POLI: variants seen among roughly 807,000 people sequenced by gnomAD.
POLI encodes RAD30 homolog B.
A neutral mutation model predicts 51.6 loss-of-function variants in POLI; 58 were observed. That is an observed-to-expected ratio of 1.12 (90% confidence interval 0.91 to 1.40). The LOEUF is 1.40. Ranked by LOEUF, POLI falls within the 40% of genes most tolerant of loss-of-function variation. The pLI is 0.00. For missense variants in POLI, 921 were observed against 871.3 expected (o/e 1.06, Z -0.72); for synonymous variants, 322 against 299.7 (o/e 1.07, Z -0.77).
At chr18:54,304,453 C>G (rs2088545550) in intron 3 of POLI, among the ~76,000 whole-genome samples, 1 of 152,222 alleles carries the variant, frequency 6.6e-6, no homozygotes, top group African/African-American at 2.4e-5. Flanking sequence ...GATCGCCATT[C>G]TAACTGGCGT....
At chr18:54,306,635 T>A (rs970142151) in intron 3 of POLI, among the ~76,000 whole-genome samples, 21 of 152,332 alleles carry the variant, frequency 1.4e-4, no homozygotes, top group African/African-American at 4.3e-4. Flanking sequence ...TTTGGAATAG[T>A]TTCTGAAGGA....
chr18:54,287,438 A>G (rs372888688), intron 8 of POLI, 27 bp downstream of exon 8: 2 of 1,591,244 alleles, frequency 1.3e-6, no homozygotes, highest in Non-Finnish European at 1.7e-6. Context: ...CAACAGTTTC[A>G]TTAGCAGGTT....
Position 54,296,541 on chromosome 18 carries a change from T to C in POLI, c.*2074T>C, listed in dbSNP as rs2088338514. 1 of 197,932 alleles carries C rather than the reference T, an allele frequency of 5.1e-6. No individual in the cohort carries two copies. Among genetic ancestry groups the C allele is most frequent in the Non-Finnish European group, 9.1e-6 (1 of 109,926 alleles). The allele number at this position is 197,932 out of a possible 1,614,324, so 12.3% of individuals were successfully genotyped here. Reference sequence around the variant, plus strand: ...TCTTCCTGTATCTTTTAATTCATGTTCTGTAAAATTCTCAACCACTAGCTC... The same window carrying C: ...TCTTCCTGTATCTTTTAATTCATGTCCTGTAAAATTCTCAACCACTAGCTC... On this transcript the variant is annotated 3_prime_UTR_variant, in exon 10 of 10. Transcript: ENST00000579534.
At chr18:54,292,183 A>G in intron 9 of POLI, 145 bp downstream of exon 9, 1 of 557,716 alleles carries the variant, frequency 1.8e-6, no homozygotes, top group Non-Finnish European at 3.2e-6. Context: ...CTTGTTTATA[A>G]TACCTATCTT....
In POLI at chr18:54,295,200, AT is replaced by A. The variant is rs1404077583; in HGVS notation, c.*734del. On this transcript the variant is annotated 3_prime_UTR_variant, in exon 10 of 10. Transcript: ENST00000579534. Reference sequence around the variant, plus strand: ...ACCAGAAAGGCAAGGTGATGGGCCTATAAGCATACTGGATAATGGAAGAAGT... The same window carrying A: ...ACCAGAAAGGCAAGGTGATGGGCCTAAAGCATACTGGATAATGGAAGAAGT... The A allele has an allele frequency of 1.0e-6, 1 of 985,326 alleles. No individual in the cohort carries two copies. The highest frequency in any genetic ancestry group is 1.2e-6 in the Non-Finnish European group (1 of 829,930). 61.0% of individuals were successfully genotyped at this position (985,326 alleles called of 1,614,324 possible). A position where few individuals can be genotyped will look rare whatever the true frequency, so the allele number is the denominator to read the frequency against.
rs2088026093 is a variant in POLI, at chr18:54,291,837, TTATGA to T, written c.1205_1209del (p.Tyr402CysfsTer7). The T allele has an allele frequency of 2.7e-6, 4 of 1,469,756 alleles. No individual in the cohort carries two copies. In the East Asian group the frequency reaches 6.8e-5, roughly 25 times the overall value. 91.0% of individuals were successfully genotyped at this position (1,469,756 alleles called of 1,614,324 possible). Reference sequence around the variant, plus strand: ...ATTCTTAAACATTTTATTTAGGAAATTATGATGTGATGACCCCAATGGTTGATATA... The same window carrying T: ...ATTCTTAAACATTTTATTTAGGAAATTGTGATGACCCCAATGGTTGATATA... On this transcript the variant is annotated frameshift_variant, in exon 9 of 10. Transcript: ENST00000579534. LOFTEE classifies it high-confidence loss of function.
In POLI at chr18:54,283,975, A is replaced by G; in HGVS notation, c.1029A>G (p.Lys343=). 6.7e-7 allele frequency: 1 copy of G among 1,494,080 alleles called. No individual in the cohort carries two copies. Among genetic ancestry groups the G allele is most frequent in the Non-Finnish European group, 9.3e-7 (1 of 1,079,776 alleles). 92.6% of individuals were successfully genotyped at this position (1,494,080 alleles called of 1,614,324 possible). A position where few individuals can be genotyped will look rare whatever the true frequency, so the allele number is the denominator to read the frequency against. The stretch of plus-strand genomic sequence containing the variant: ...AATGTTCATCTGAAGTTGAAGCTAA[A>G]AATAAGATTGAAGAACTACTTGCTA... ...FKKCSSEVEA[K]NKIEELLASL... Residue 343 remains lysine (K), a synonymous_variant, in exon 7 of 10, where the codon AAA becomes AAG. Transcript: ENST00000579534.
intron 8 of POLI, among the ~76,000 whole-genome samples, chr18:54,289,290 T>C (rs142595946): frequency 6.6e-6 from 1 of 151,868 alleles, no homozygotes; most frequent in Non-Finnish European, 1.5e-5. Flanking sequence ...TAGCCAGTGA[T>C]TGGCAAAGGT....
Position 54,295,265 on chromosome 18 carries a change from T to A in POLI, c.*798T>A. 1 of 981,314 alleles carries A rather than the reference T, an allele frequency of 1.0e-6. No homozygotes were observed. The highest frequency in any genetic ancestry group is 1.2e-6 in the Non-Finnish European group (1 of 826,244). 60.8% of individuals were successfully genotyped at this position (981,314 alleles called of 1,614,324 possible). A position where few individuals can be genotyped will look rare whatever the true frequency, so the allele number is the denominator to read the frequency against. ...GCTAGTTTGAAGGGCCTAAAAGCAC[T>A]GAGATGTTTTTGTATCTTCCCTACA... is the stretch of plus-strand genomic sequence containing the variant. On this transcript the variant is annotated 3_prime_UTR_variant, in exon 10 of 10. Coordinates refer to ENST00000579534, the MANE Select transcript of POLI (RefSeq NM_007195.3).
intron 7 of POLI, 137 bp downstream of exon 7, chr18:54,284,150 G>C (rs1475060790): frequency 4.0e-6 from 2 of 502,526 alleles, no homozygotes; most frequent in Non-Finnish European, 3.6e-6. Context: ...TTTATCATGG[G>C]ATTTCTCTGC....
At position 54,282,881 on chromosome 18, in the gene POLI, A is replaced by G; in HGVS notation, c.841A>G (p.Asn281Asp). 1 of 1,579,202 alleles carries G rather than the reference A, an allele frequency of 6.3e-7. No homozygotes were observed. Among genetic ancestry groups the G allele is most frequent in the Non-Finnish European group, 8.6e-7 (1 of 1,160,700 alleles). Reference protein sequence around the residue: ...TAKCLEALGINSVRDLQTFSP... With the variant: ...TAKCLEALGIDSVRDLQTFSP... ...CAAATGTCTTGAAGCACTGGGTATCAATAGTGTGCGTGATCTCCAAACCTT... is the reference window on the plus strand; with the variant it reads ...CAAATGTCTTGAAGCACTGGGTATCGATAGTGTGCGTGATCTCCAAACCTT... The change falls in exon 6 of 10, where the codon AAT becomes GAT. Residue 281 changes from asparagine (N) to aspartate (D), a missense_variant. Asn to Asp is a conservative substitution (Grantham distance 23, BLOSUM62 1). Transcript: ENST00000579534.
In POLI at chr18:54,283,014, A is replaced by T; in HGVS notation, c.974A>T (p.Gln325Leu). The change falls in exon 6 of 10, where the codon CAG becomes CTG. Residue 325 changes from glutamine to leucine, a missense_variant and splice_region_variant. Gln to Leu is a moderately radical substitution (Grantham distance 113). Coordinates refer to ENST00000579534, the MANE Select transcript of POLI (RefSeq NM_007195.3). ...NSPVILSGPP[Q>L]SFSEEDSFKK... ...CCTGTGATACTCTCAGGACCACCTC[A>T]GGTACATGATGATACTTATTTTAAT... is the stretch of plus-strand genomic sequence containing the variant. The T allele has an allele frequency of 6.3e-7, 1 of 1,589,258 alleles. No individual in the cohort carries two copies. The highest frequency in any genetic ancestry group is 8.6e-7 in the Non-Finnish European group (1 of 1,161,604).
At chr18:54,279,722 A>G (rs1306663720) in intron 4 of POLI, among the ~76,000 whole-genome samples, 2 of 152,178 alleles carry the variant, frequency 1.3e-5, no homozygotes, top group East Asian at 3.9e-4. Flanking sequence ...GGATGGTTTC[A>G]TGTCATTCCA....
intron 8 of POLI, among the ~76,000 whole-genome samples, chr18:54,289,891 G>A (rs920212185): frequency 3.3e-5 from 5 of 152,064 alleles, no homozygotes; most frequent in Non-Finnish European, 7.4e-5. Flanking sequence ...GAAAACCTAG[G>A]CAATAGCATT....
intron 4 of POLI, among the ~76,000 whole-genome samples, chr18:54,279,158 T>G (rs2087381057): frequency 6.6e-6 from 1 of 152,138 alleles, no homozygotes; most frequent in Admixed American, 6.5e-5. Context: ...ATTCTTCCTC[T>G]TTCATACAGA....
Position 54,295,853 on chromosome 18 carries a change from C to T in POLI, c.*1386C>T. The stretch of plus-strand genomic sequence containing the variant: ...ATATTGGCCAGGCTGGTCTCGAACT[C>T]CTGGTCTCAGGTGATCCTCCACCTT... On this transcript the variant is annotated 3_prime_UTR_variant, in exon 10 of 10. Coordinates refer to ENST00000579534, the MANE Select transcript of POLI (RefSeq NM_007195.3). 2.0e-6 allele frequency: 1 copy of T among 510,780 alleles called. No homozygotes were observed. The allele number at this position is 510,780 out of a possible 1,614,324, so 31.6% of individuals were successfully genotyped here.
chr18:54,270,507 G>C (rs1198186926), intron 1 of POLI: 1 of 152,208 alleles, frequency 6.6e-6, no homozygotes, highest in Non-Finnish European at 1.5e-5. Context: ...TGCAGAGCTA[G>C]ATCCCCCTAG....
chr18:54,291,749 TTTTAA>T, intron 8 of POLI, 79 bp from the exon 9 acceptor site: 1 of 647,842 alleles, frequency 1.5e-6, no homozygotes, highest in Non-Finnish European at 2.6e-6. Flanking sequence ...ATATTTAGGA[TTTTAA>T]TTTCTTAATC....
intron 6 of POLI, chr18:54,283,655 C>G (rs1218021000): frequency 1.0e-5 from 2 of 196,802 alleles, no homozygotes; most frequent in Non-Finnish European, 2.1e-5. Flanking sequence ...GGTACTAGAG[C>G]TTTAGAGTTT....
Sources: allele counts gnomAD v4.1 joint callset (sites outside exome capture counted in the v4.1 genomes callset), GRCh38; gene constraint gnomAD v4.1.1; transcripts MANE v1.5; gene names NCBI Gene and HGNC (gene_info 2026-07-23, HGNC 2026-07-21).